AP3D1: variants seen among roughly 807,000 people sequenced by gnomAD.
The protein encoded by AP3D1 is AP-3 complex subunit delta-1.
A neutral mutation model predicts 147.6 loss-of-function variants in AP3D1; 51 were observed. The observed-to-expected ratio is 0.35, with a 90% CI of 0.28 to 0.44. The LOEUF (loss-of-function observed/expected upper bound fraction) is 0.44. Among genes scored for constraint, AP3D1 ranks in the 20% least tolerant of loss-of-function variants. The pLI is 1.00. For synonymous variants in AP3D1, 760 were observed against 663.0 expected, an observed-to-expected ratio of 1.15 and a Z score of -2.25; for missense variants, 1,421 against 1,624.2, an observed-to-expected ratio of 0.87 and a Z score of 2.15.
At chr19:2,154,953 G>T (rs1221835954), upstream of AP3D1, among the ~76,000 whole-genome samples, 1 of 152,236 alleles carries the variant, frequency 6.6e-6, no homozygotes. Flanking sequence ...GCTGAGGTGG[G>T]TGGATCACCT....
At position 2,110,117 on chromosome 19, in the gene AP3D1, CA is replaced by C; in HGVS notation, c.3264+18del. 1 of 1,610,166 alleles carries C rather than the reference CA, an allele frequency of 6.2e-7. No individual in the cohort carries two copies. The highest frequency in any genetic ancestry group is 1.7e-5 in the Admixed American group (1 of 59,964). On this transcript the variant is annotated intron_variant, in intron 28 of 31. Transcript: ENST00000643116. Reference sequence around the variant, plus strand: ...GCCTGCAGAGTCGGCTCTTCAACGCCAAGTGGAGCCCTGCATACCTTGGCAA... The same window carrying C: ...GCCTGCAGAGTCGGCTCTTCAACGCCAGTGGAGCCCTGCATACCTTGGCAA...
chr19:2,107,631 T>A (rs1166000045), intron 31 of AP3D1, among the ~76,000 whole-genome samples: 1 of 151,394 alleles, frequency 6.6e-6, no homozygotes, highest in Non-Finnish European at 1.5e-5. Flanking sequence ...TCCCAGCTAC[T>A]TGGGAGGCTG....
chr19:2,156,701 T>C (rs576721881), intron 1 of AP3D1, among the ~76,000 whole-genome samples: 22 of 151,978 alleles, frequency 1.4e-4, no homozygotes, highest in Non-Finnish European at 2.8e-4. Context: ...ATACAAAAAT[T>C]AGCCAGGCTT....
intron 1 of AP3D1, among the ~76,000 whole-genome samples, chr19:2,142,631 C>T (rs1180329146): frequency 3.3e-5 from 5 of 152,174 alleles, no homozygotes; most frequent in Non-Finnish European, 4.4e-5. Context: ...TCCACGTGGC[C>T]GCCTGGCTGA....
At chr19:2,129,511 T>A (rs1413309208) in intron 6 of AP3D1, 54 bp from the exon 7 acceptor site, 103 of 1,575,188 alleles carry the variant, frequency 6.5e-5, no homozygotes, top group Non-Finnish European at 8.4e-5. Flanking sequence ...TAGAAAACCA[T>A]CCTACTGTCT....
intron 1 of AP3D1, among the ~76,000 whole-genome samples, chr19:2,146,109 T>C (rs948573451): frequency 6.6e-6 from 1 of 152,160 alleles, no homozygotes; most frequent in Non-Finnish European, 1.5e-5. Context: ...TGTCCGACTA[T>C]GTATGGAAGC....
In AP3D1 at chr19:2,121,261, T is replaced by C. The variant is rs1299038132; in HGVS notation, c.1152A>G (p.Val384=). Reference sequence around the variant, plus strand: ...GGTAGGTGGTACCCTCTGCCTTGTCTACGTGGGTCATCAGCTTCTTCACGA... The same window carrying C: ...GGTAGGTGGTACCCTCTGCCTTGTCCACGTGGGTCATCAGCTTCTTCACGA... ...MEIVKKLMTH[V]DKAEGTTYRD... Residue 384 remains valine (V), a synonymous_variant, in exon 13 of 32, where the codon GTA becomes GTG. Coordinates refer to ENST00000643116, the MANE Select transcript of AP3D1 (RefSeq NM_001261826.3). The C allele has an allele frequency of 6.2e-7, 1 of 1,614,184 alleles. No individual in the cohort carries two copies. The highest frequency in any genetic ancestry group is 1.1e-5 in the South Asian group (1 of 91,090).
At chr19:2,133,388 A>ATATC (rs1343165117) in intron 4 of AP3D1, 2 of 152,238 alleles carry the variant, frequency 1.3e-5, no homozygotes, top group African/African-American at 4.8e-5. Context: ...CTCTCTTGAT[A>ATATC]TCACAAACCT....
chr19:2,138,808 T>A, intron 1 of AP3D1, 94 bp from the exon 2 acceptor site: 2 of 888,250 alleles, frequency 2.3e-6, no homozygotes, highest in Middle Eastern at 2.2e-4. Context: ...ACGCCTGTAA[T>A]CCCAGCACTT....
At chr19:2,112,626 G>A (rs1366558467) in intron 24 of AP3D1, 3 of 491,696 alleles carry the variant, frequency 6.1e-6, no homozygotes, top group African/African-American at 6.0e-5. Flanking sequence ...GAAAACCACT[G>A]TATACATACT....
intron 1 of AP3D1, among the ~76,000 whole-genome samples, chr19:2,140,200 G>A (rs182356279): frequency 1.6e-4 from 25 of 152,278 alleles, no homozygotes; most frequent in Admixed American, 1.6e-3. Context: ...GCGTGGAGAG[G>A]TCAGACCCTC....
intron 9 of AP3D1, among the ~76,000 whole-genome samples, chr19:2,126,764 A>G (rs1397347426): frequency 2.0e-5 from 3 of 152,194 alleles, no homozygotes; most frequent in Non-Finnish European, 4.4e-5. Flanking sequence ...TTAAAGTCTC[A>G]GAAAAAATGC....
intron 11 of AP3D1, 61 bp from the exon 12 acceptor site, chr19:2,121,940 G>A (rs1418107187): frequency 4.6e-6 from 7 of 1,520,000 alleles, no homozygotes; most frequent in Non-Finnish European, 6.2e-6. Context: ...GTGCAGGCAG[G>A]GCCCACGGCT....
intron 31 of AP3D1, among the ~76,000 whole-genome samples, chr19:2,107,058 T>C (rs1045351632): frequency 1.3e-5 from 2 of 151,400 alleles, no homozygotes. Flanking sequence ...GGTCAGAAGA[T>C]TGAGACCATC....
At chr19:2,140,047 C>T (rs991589302) in intron 1 of AP3D1, among the ~76,000 whole-genome samples, 1 of 151,940 alleles carries the variant, frequency 6.6e-6, no homozygotes, top group East Asian at 1.9e-4. Flanking sequence ...AAGAGTGCCA[C>T]CCGATCCTCC....
upstream of AP3D1, among the ~76,000 whole-genome samples, chr19:2,153,385 G>C (rs1036811417): frequency 2.1e-5 from 2 of 95,042 alleles, no homozygotes; most frequent in Admixed American, 9.5e-5. Context: ...AAAAAGAAGT[G>C]GGGGGGGGGA....
intron 31 of AP3D1, among the ~76,000 whole-genome samples, chr19:2,106,447 G>A (rs2018112539): frequency 6.6e-6 from 1 of 152,216 alleles, no homozygotes; most frequent in African/African-American, 2.4e-5. Flanking sequence ...TACTCAGGAG[G>A]CTGAGGCAGA....
Position 2,121,796 on chromosome 19 carries a change from G to A in AP3D1, c.1039C>T (p.Gln347Ter). 1 of 1,613,360 alleles carries A rather than the reference G, an allele frequency of 6.2e-7. No individual in the cohort carries two copies. The highest frequency in any genetic ancestry group is 8.5e-7 in the Non-Finnish European group (1 of 1,179,728). Residue 347 changes from glutamine (Q) to a stop codon, truncating the protein, a stop_gained, in exon 12 of 32, where the codon CAG becomes TAG. Coordinates refer to ENST00000643116, the MANE Select transcript of AP3D1 (RefSeq NM_001261826.3). LOFTEE classifies it high-confidence loss of function. ...GACTCGTCCTTGTCGTCCAGGCACTGCAGGATGAGGTCCTTGTGGGACTGC... is the reference window on the plus strand; with the variant it reads ...GACTCGTCCTTGTCGTCCAGGCACTACAGGATGAGGTCCTTGTGGGACTGC... ...SVQSHKDLIL[Q>*]CLDDKDESIR...
chr19:2,143,557 G>C (rs1471697576), intron 1 of AP3D1, among the ~76,000 whole-genome samples: 1 of 151,546 alleles, frequency 6.6e-6, no homozygotes, highest in African/African-American at 2.4e-5. Flanking sequence ...CCTAATTTTT[G>C]TATTTTTGTG....
Sources: gnomAD v4.1 joint callset for allele counts (sites outside exome capture counted in the v4.1 genomes callset) on GRCh38, gnomAD v4.1.1 for gene constraint, MANE v1.5 for transcripts, NCBI Gene and HGNC (gene_info 2026-07-23, HGNC 2026-07-21) for gene names.